NREP: variants seen among roughly 807,000 people sequenced by gnomAD.
The protein encoded by NREP is neuronal regeneration related protein.
A neutral mutation model predicts 8.6 loss-of-function variants in NREP; 5 were observed. That is an observed-to-expected ratio of 0.58 (90% confidence interval 0.30 to 1.22). The LOEUF is 1.22. Among genes scored for constraint, NREP ranks in the 50% most tolerant of loss-of-function variants. The probability of loss-of-function intolerance (pLI) is 0.07; values close to 1 mark genes in which losing one functional copy is unlikely to be tolerated. For missense variants in NREP, 86 were observed against 82.5 expected (o/e 1.04, Z -0.17); for synonymous variants, 27 against 28.0 (o/e 0.96, Z 0.11).
chr5:111,781,158 T>A (rs1751484388), intron 2 of NREP, among the ~76,000 whole-genome samples: 1 of 152,112 alleles, frequency 6.6e-6, no homozygotes, highest in African/African-American at 2.4e-5. Context: ...ACCCTCCACT[T>A]CTGATAGGCC....
intron 2 of NREP, among the ~76,000 whole-genome samples, chr5:111,868,657 T>C (rs1436628465): frequency 1.3e-5 from 2 of 152,172 alleles, no homozygotes; most frequent in Non-Finnish European, 1.5e-5. Flanking sequence ...ACTACAGCAC[T>C]TAGCTGGTCC....
chr5:111,837,502 T>C (rs1752924019), intron 2 of NREP, among the ~76,000 whole-genome samples: 1 of 152,074 alleles, frequency 6.6e-6, no homozygotes, highest in South Asian at 2.1e-4. Flanking sequence ...AAGTATTTTG[T>C]CATCATTCAT....
At chr5:111,738,141 A>G (rs1320347497) in intron 2 of NREP, among the ~76,000 whole-genome samples, 2 of 152,232 alleles carry the variant, frequency 1.3e-5, no homozygotes, top group Admixed American at 1.3e-4. Flanking sequence ...AAGCACAGCT[A>G]GTTTTAAGAA....
chr5:111,794,995 TA>T (rs71982267), intron 2 of NREP, among the ~76,000 whole-genome samples: 73,712 of 130,260 alleles, frequency 0.57, 19,464 homozygotes, highest in African/African-American at 0.67. Flanking sequence ...AAAGCTGCTC[TA>T]AAAAAAAAAA....
At chr5:111,740,132 T>C (rs1749523454) in intron 2 of NREP, among the ~76,000 whole-genome samples, 1 of 152,188 alleles carries the variant, frequency 6.6e-6, no homozygotes, top group South Asian at 2.1e-4. Flanking sequence ...AATATATTGG[T>C]TAATGCATCT....
intron 2 of NREP, among the ~76,000 whole-genome samples, chr5:111,878,742 A>AC (rs1028145806): frequency 1.3e-5 from 2 of 151,872 alleles, no homozygotes; most frequent in African/African-American, 4.8e-5. Context: ...CCTGTCCCCC[A>AC]CCCCCCTGCC....
intron 2 of NREP, among the ~76,000 whole-genome samples, chr5:111,893,019 T>C (rs1422531301): frequency 6.6e-6 from 1 of 152,210 alleles, no homozygotes; most frequent in Non-Finnish European, 1.5e-5. Flanking sequence ...TGTTTGCCAT[T>C]GACATACCCA....
At chr5:111,971,117 T>C (rs1365515710) in intron 2 of NREP, among the ~76,000 whole-genome samples, 1 of 152,208 alleles carries the variant, frequency 6.6e-6, no homozygotes, top group Non-Finnish European at 1.5e-5. Flanking sequence ...TAGATTATGC[T>C]TTGAGAAACA....
chr5:111,866,995 T>C (rs1456471160), intron 2 of NREP, among the ~76,000 whole-genome samples: 1 of 114,984 alleles, frequency 8.7e-6, no homozygotes, highest in East Asian at 2.7e-4. Flanking sequence ...GGGCCTGTTG[T>C]GGGGTGGGGG....
At chr5:111,873,645 T>C (rs1294476056) in intron 2 of NREP, among the ~76,000 whole-genome samples, 3 of 152,214 alleles carry the variant, frequency 2.0e-5, no homozygotes, top group Non-Finnish European at 4.4e-5. Context: ...CGCACTCTTC[T>C]GACCTCCTGT....
chr5:111,887,666 T>C (rs994030709), intron 2 of NREP, among the ~76,000 whole-genome samples: 1 of 152,222 alleles, frequency 6.6e-6, no homozygotes, highest in Non-Finnish European at 1.5e-5. Context: ...TGGGATTTGC[T>C]TGGCTATTTT....
Position 111,755,755 on chromosome 5 carries a change from A to G in NREP, c.3+15T>C, listed in dbSNP as rs774016478. The stretch of plus-strand genomic sequence containing the variant: ...TAAGAAGTACTGAGAATCTCCTCTG[A>G]TGACCAAGTCTTACCATTTTGAGAA... On this transcript the variant is annotated intron_variant, in intron 2 of 3. Coordinates refer to ENST00000257435, the MANE Select transcript of NREP (RefSeq NM_004772.4). 5 of 1,613,482 alleles carry G rather than the reference A, an allele frequency of 3.1e-6. No homozygotes were observed. Among genetic ancestry groups the G allele is most frequent in the Non-Finnish European group, 4.2e-6 (5 of 1,179,540 alleles).
At chr5:111,863,756 C>G (rs912606802) in intron 2 of NREP, among the ~76,000 whole-genome samples, 1 of 152,098 alleles carries the variant, frequency 6.6e-6, no homozygotes, top group Non-Finnish European at 1.5e-5. Flanking sequence ...TTCTAATTAT[C>G]TGGTCTTTCT....
At chr5:111,907,754 C>T (rs1314605644) in intron 2 of NREP, among the ~76,000 whole-genome samples, 1 of 151,906 alleles carries the variant, frequency 6.6e-6, no homozygotes, top group African/African-American at 2.4e-5. Flanking sequence ...ACCTTTTTTT[C>T]ACCTAGAAAA....
chr5:111,749,911 G>A (rs1398984360), intron 2 of NREP, among the ~76,000 whole-genome samples: 1 of 152,146 alleles, frequency 6.6e-6, no homozygotes, highest in South Asian at 2.1e-4. Context: ...GGAGTGAGAG[G>A]GAGCAATAAA....
chr5:111,934,810 T>A (rs1023909887), intron 2 of NREP, among the ~76,000 whole-genome samples: 7 of 152,054 alleles, frequency 4.6e-5, no homozygotes, highest in Admixed American at 2.6e-4. Flanking sequence ...CCTGGAAATA[T>A]GGAGAACCTC....
intron 2 of NREP, among the ~76,000 whole-genome samples, chr5:111,965,897 A>G (rs759883735): frequency 2.0e-5 from 3 of 152,200 alleles, no homozygotes; most frequent in Non-Finnish European, 4.4e-5. Context: ...TCTTTAAAAA[A>G]AAAATCAAAG....
chr5:111,801,375 G>C (rs529243386), intron 2 of NREP, among the ~76,000 whole-genome samples: 2 of 152,098 alleles, frequency 1.3e-5, no homozygotes, highest in East Asian at 1.9e-4. Context: ...CTTTAAATTC[G>C]AAAAGAAGGC....
intron 2 of NREP, among the ~76,000 whole-genome samples, chr5:111,883,902 C>G (rs750384656): frequency 2.0e-5 from 3 of 152,052 alleles, no homozygotes; most frequent in Non-Finnish European, 4.4e-5. Flanking sequence ...CCTGACATCA[C>G]AATTAAAAGA....
Sources: allele counts gnomAD v4.1 joint callset (sites outside exome capture counted in the v4.1 genomes callset), GRCh38; gene constraint gnomAD v4.1.1; transcripts MANE v1.5; gene names NCBI Gene and HGNC (gene_info 2026-07-23, HGNC 2026-07-21).